The following CEP70 variants were observed in gnomAD, a reference collection of about 807,000 sequenced individuals.
CEP70 encodes the protein centrosomal protein of 70 kDa.
Under a neutral mutation model 90.9 loss-of-function variants are expected in CEP70, and 70 were observed. The ratio of observed to expected loss-of-function variants is 0.77; its 90% CI spans 0.64 to 0.94. The LOEUF (loss-of-function observed/expected upper bound fraction) is 0.94. Ranked by LOEUF, CEP70 falls within the 40% of genes least tolerant of loss-of-function variation. CEP70 has a pLI of 0.00. For missense variants in CEP70, 648 were observed against 669.0 expected, an observed-to-expected ratio of 0.97 and a Z score of 0.35; for synonymous variants, 220 against 228.3, an observed-to-expected ratio of 0.96 and a Z score of 0.33.
Position 138,505,458 on chromosome 3 carries a change from C to T in CEP70, c.1058G>A (p.Cys353Tyr), listed in dbSNP as rs770312552. The stretch of plus-strand genomic sequence containing the variant: ...ATTGTGGATAATTGAATTGATGCTA[C>T]ACAGCACCTTTAAAAAAACATAGTG... ...LIDQRYFQVL[C>Y]SINSIIHNPR... The change falls in exon 13 of 18, where the codon TGT (cysteine) becomes TAT (tyrosine). Residue 353 changes from cysteine (C) to tyrosine (Y), a missense_variant. Coordinates refer to ENST00000264982, the MANE Select transcript of CEP70 (RefSeq NM_024491.4). 8 of 1,578,922 alleles carry T rather than the reference C, an allele frequency of 5.1e-6. No individual in the cohort carries two copies. Among genetic ancestry groups the T allele is most frequent in the Admixed American group, 3.7e-5 (2 of 53,618 alleles).
chr3:138,525,004 A>G (rs375047257), intron 11 of CEP70, among the ~76,000 whole-genome samples: 16 of 152,276 alleles, frequency 1.1e-4, no homozygotes, highest in African/African-American at 3.1e-4. Flanking sequence ...GCAAAGACTT[A>G]GAACCAACCC....
chr3:138,528,416 T>C (rs1274232752), intron 10 of CEP70, among the ~76,000 whole-genome samples: 2 of 152,226 alleles, frequency 1.3e-5, no homozygotes, highest in Non-Finnish European at 2.9e-5. Flanking sequence ...TGCCTACCCA[T>C]GTGCTCTTGT....
chr3:138,540,777 A>G (rs921362221), intron 6 of CEP70, among the ~76,000 whole-genome samples: 1 of 152,224 alleles, frequency 6.6e-6, no homozygotes, highest in African/African-American at 2.4e-5. Context: ...TCATTCTACC[A>G]TAAAGAAACA....
intron 1 of CEP70, among the ~76,000 whole-genome samples, chr3:138,592,734 T>G (rs1422297210): frequency 6.6e-6 from 1 of 152,098 alleles, no homozygotes; most frequent in Non-Finnish European, 1.5e-5. Flanking sequence ...ATCTTAAAAT[T>G]TAATTATTTT....
In CEP70 at chr3:138,538,391, A is replaced by T. The variant is rs76456460; in HGVS notation, c.466-1044T>A. Among the ~76,000 whole-genome samples, 853 of 152,276 alleles carry T rather than the reference A, an allele frequency of 5.6e-3. 7 individuals carry two copies. The highest frequency in any genetic ancestry group is 0.02 in the African/African-American group (823 of 41,552). On this transcript the variant is annotated intron_variant, in intron 6 of 17. Coordinates refer to ENST00000264982, the MANE Select transcript of CEP70 (RefSeq NM_024491.4). ...GGGGTATCCCATTTGGGATCTCCCC[A>T]ACCTAGTACCATCAGCACTCTGAAT...
intron 6 of CEP70, among the ~76,000 whole-genome samples, chr3:138,538,317 T>G (rs567162808): frequency 6.6e-6 from 1 of 152,262 alleles, no homozygotes. Flanking sequence ...GGAGGTACAC[T>G]CTACAGGTTC....
chr3:138,592,230 T>C (rs532006207), intron 1 of CEP70, among the ~76,000 whole-genome samples: 1 of 152,222 alleles, frequency 6.6e-6, no homozygotes, highest in Non-Finnish European at 1.5e-5. Flanking sequence ...TTCTGACTTC[T>C]GGCTCCACAG....
At chr3:138,510,635 T>A (rs538039617) in intron 11 of CEP70, among the ~76,000 whole-genome samples, 3 of 152,118 alleles carry the variant, frequency 2.0e-5, no homozygotes, top group Non-Finnish European at 4.4e-5. Flanking sequence ...GTCAGTTTAG[T>A]GGGTTGAAGT....
intron 10 of CEP70, among the ~76,000 whole-genome samples, chr3:138,526,019 C>A (rs1560333328): frequency 6.6e-6 from 1 of 152,060 alleles, no homozygotes. Context: ...TCATTATTCC[C>A]ATGTATGTTT....
chr3:138,546,036 T>G (rs1226885033), intron 6 of CEP70, among the ~76,000 whole-genome samples: 5 of 152,314 alleles, frequency 3.3e-5, no homozygotes, highest in Middle Eastern at 3.4e-3. Context: ...TTAAAGCATG[T>G]GATCTTCGTG....
chr3:138,548,418 T>C (rs563997450), intron 6 of CEP70, among the ~76,000 whole-genome samples: 1 of 152,336 alleles, frequency 6.6e-6, no homozygotes, highest in East Asian at 1.9e-4. Context: ...TGATTTTACG[T>C]AAAATGCAAT....
In CEP70 at chr3:138,523,650, A is replaced by G. The variant is rs1414252015; in HGVS notation, c.944+1840T>C. Among the ~76,000 whole-genome samples the G allele has an allele frequency of 3.3e-5, 5 of 152,200 alleles. No individual in the cohort carries two copies. In the East Asian group the frequency reaches 9.6e-4, roughly 29 times the overall value. Reference sequence around the variant, plus strand: ...ATTGCTTCAAAGAGATAAAAAACCCAGGAATCCCACTTACAAGGAACGTGA... The same window carrying G: ...ATTGCTTCAAAGAGATAAAAAACCCGGGAATCCCACTTACAAGGAACGTGA... On this transcript the variant is annotated intron_variant, in intron 11 of 17. Transcript: ENST00000264982.
intron 6 of CEP70, among the ~76,000 whole-genome samples, chr3:138,542,233 G>T (rs968723410): frequency 1.3e-5 from 2 of 152,230 alleles, no homozygotes; most frequent in African/African-American, 4.8e-5. Context: ...CTCCATGTGA[G>T]ACTGTGGCTG....
At chr3:138,512,407 T>A (rs562031009) in intron 11 of CEP70, among the ~76,000 whole-genome samples, 1 of 152,324 alleles carries the variant, frequency 6.6e-6, no homozygotes, top group Admixed American at 6.5e-5. Flanking sequence ...ATAACTTCTA[T>A]GTTATATTGC....
intron 6 of CEP70, among the ~76,000 whole-genome samples, chr3:138,555,845 A>T (rs1039083735): frequency 3.3e-5 from 5 of 152,226 alleles, no homozygotes; most frequent in Non-Finnish European, 1.5e-5. Context: ...CCACTATGGA[A>T]AACAGTGTGG....
chr3:138,547,057 A>G (rs180932256), intron 6 of CEP70, among the ~76,000 whole-genome samples: 13 of 152,326 alleles, frequency 8.5e-5, no homozygotes, highest in African/African-American at 2.9e-4. Flanking sequence ...AATGAAATAA[A>G]AAACGGATGT....
At chr3:138,541,607 T>C (rs1368268294) in intron 6 of CEP70, among the ~76,000 whole-genome samples, 4 of 152,034 alleles carry the variant, frequency 2.6e-5, no homozygotes, top group Non-Finnish European at 2.9e-5. Flanking sequence ...AAAAAAACAT[T>C]TGAAGGTATA....
chr3:138,520,570 C>T (rs1171216493), intron 11 of CEP70, among the ~76,000 whole-genome samples: 1 of 152,166 alleles, frequency 6.6e-6, no homozygotes, highest in Non-Finnish European at 1.5e-5. Flanking sequence ...GAACAACCTG[C>T]TCCTGAATGA....
intron 16 of CEP70, among the ~76,000 whole-genome samples, chr3:138,499,068 AG>A (rs2108657669): frequency 6.6e-6 from 1 of 152,246 alleles, no homozygotes; most frequent in East Asian, 1.9e-4. Flanking sequence ...AAAGAAAAAA[AG>A]AAAAAAAATC....
Sources: allele counts gnomAD v4.1 joint callset (sites outside exome capture counted in the v4.1 genomes callset), GRCh38; gene constraint gnomAD v4.1.1; transcripts MANE v1.5; gene names NCBI Gene and HGNC (gene_info 2026-07-23, HGNC 2026-07-21).